Variants in CDRT4 observed in about 807,000 individuals in gnomAD.
The protein encoded by CDRT4 is CMT1A duplicated region transcript 4 protein.
For synonymous variants in CDRT4, 64 were observed against 69.6 expected, an observed-to-expected ratio of 0.92 and a Z score of 0.40; for missense variants, 167 against 193.1, an observed-to-expected ratio of 0.87 and a Z score of 0.80.
chr17:15,442,697 T>A (rs113743235), intron 2 of CDRT4, among the ~76,000 whole-genome samples: 1 of 152,148 alleles, frequency 6.6e-6, no homozygotes, highest in Non-Finnish European at 1.5e-5. Context: ...GTGTGGCTGA[T>A]AGGACAAGTC....
chr17:15,457,770 C>A (rs2150796625), intron 1 of CDRT4, among the ~76,000 whole-genome samples: 1 of 152,284 alleles, frequency 6.6e-6, no homozygotes, highest in African/African-American at 2.4e-5. Context: ...ACAGGGAGGG[C>A]CAGGAGGGGC....
chr17:15,457,735 A>G (rs1406356400), intron 1 of CDRT4, among the ~76,000 whole-genome samples: 1 of 152,134 alleles, frequency 6.6e-6, no homozygotes, highest in Non-Finnish European at 1.5e-5. Flanking sequence ...AGCCCCCCTG[A>G]GCTGCTTTGC....
intron 2 of CDRT4, among the ~76,000 whole-genome samples, chr17:15,451,580 C>T (rs1457014849): frequency 2.6e-5 from 4 of 152,192 alleles, no homozygotes; most frequent in Admixed American, 1.3e-4. Flanking sequence ...CCCCACATCA[C>T]CCACTGTGCC....
rs1342194029 is a variant in CDRT4, at chr17:15,467,568, T to C, written c.-238A>G. On this transcript the variant is annotated 5_prime_UTR_variant, in exon 1 of 4. Coordinates refer to ENST00000619038, the MANE Select transcript of CDRT4 (RefSeq NM_001204477.2). ...TCCCCTGTGCTCTCAATCCCACTTCTCTTTGGCTCTCTCTTTGCTGCAGCT... is the reference window on the plus strand; with the variant it reads ...TCCCCTGTGCTCTCAATCCCACTTCCCTTTGGCTCTCTCTTTGCTGCAGCT... 1 of 152,374 alleles carries C rather than the reference T, an allele frequency of 6.6e-6. No homozygotes were observed. The highest frequency in any genetic ancestry group is 1.5e-5 in the Non-Finnish European group (1 of 68,138). 9.4% of individuals were successfully genotyped at this position (152,374 alleles called of 1,614,324 possible). A position where few individuals can be genotyped will look rare whatever the true frequency, so the allele number is the denominator to read the frequency against.
At chr17:15,453,738 A>G (rs1979364581) in intron 1 of CDRT4, among the ~76,000 whole-genome samples, 1 of 152,194 alleles carries the variant, frequency 6.6e-6, no homozygotes, top group African/African-American at 2.4e-5. Flanking sequence ...GTTTTGGGGA[A>G]AGTGTAGCAT....
rs75800378 is a variant in CDRT4, at chr17:15,437,604, C to T, written c.*169G>A. 777 of 692,472 alleles carry T rather than the reference C, an allele frequency of 1.1e-3. 2 individuals are homozygous for T. The African/African-American group carries it at 0.012, about 11-fold the overall frequency. 42.9% of individuals were successfully genotyped at this position (692,472 alleles called of 1,614,324 possible). A position where few individuals can be genotyped will look rare whatever the true frequency, so the allele number is the denominator to read the frequency against. ...GACACACTCACCCACCCACCTACAG[C>T]TTGCATTCTGATCTGGTTTCTCTTA... On this transcript the variant is annotated 3_prime_UTR_variant, in exon 4 of 4. Transcript: ENST00000619038.
At position 15,462,105 on chromosome 17, in the gene CDRT4, G is replaced by A. The variant is rs948415357; in HGVS notation, c.-130+5355C>T. Among the ~76,000 whole-genome samples, 5 of 151,928 alleles carry A rather than the reference G, an allele frequency of 3.3e-5. No homozygotes were observed. The South Asian group carries it at 1.0e-3, about 32-fold the overall frequency. ...TGCAGAAATGGCTAATACAGAGGGTGCTCAAGGGTCAGGGGAGAGGTCTCT... is the reference window on the plus strand; with the variant it reads ...TGCAGAAATGGCTAATACAGAGGGTACTCAAGGGTCAGGGGAGAGGTCTCT... On this transcript the variant is annotated intron_variant, in intron 1 of 3. Transcript: ENST00000619038.
chr17:15,466,081 C>A (rs925185420), intron 1 of CDRT4, among the ~76,000 whole-genome samples: 1 of 152,050 alleles, frequency 6.6e-6, no homozygotes, highest in African/African-American at 2.4e-5. Context: ...GAGGGCAGAG[C>A]CTACCAGGAA....
At chr17:15,459,401 C>T (rs991605690) in intron 1 of CDRT4, among the ~76,000 whole-genome samples, 2 of 151,184 alleles carry the variant, frequency 1.3e-5, no homozygotes, top group South Asian at 2.1e-4. Context: ...GGAACGTATA[C>T]AGCCAGGCTT....
chr17:15,457,163 G>A (rs1979523967), intron 1 of CDRT4, among the ~76,000 whole-genome samples: 2 of 152,218 alleles, frequency 1.3e-5, no homozygotes, highest in South Asian at 4.1e-4. Context: ...CGAACCTCCT[G>A]CATGTCTCTG....
At chr17:15,459,439 CTTTTTTTTTTT>C (rs35161691) in intron 1 of CDRT4, among the ~76,000 whole-genome samples, 2 of 107,508 alleles carry the variant, frequency 1.9e-5, no homozygotes, top group African/African-American at 7.7e-5. Flanking sequence ...CTTTTTTTTT[CTTTTTTTTTTT>C]TTTTTTTTTT....
At chr17:15,460,878 CCCGCCTTCCCCA>C (rs1979715873) in intron 1 of CDRT4, among the ~76,000 whole-genome samples, 1 of 152,006 alleles carries the variant, frequency 6.6e-6, no homozygotes, top group Non-Finnish European at 1.5e-5. Context: ...CCCTCCCTCC[CCCGCCTTCCCCA>C]CCGCCAACCA....
rs921109374 is a variant in CDRT4 at position 15,436,902 on chromosome 17, G to GCCC, written c.*868_*870dup. ...CTGGCTTTGTGCCCTGATAGGCTCA[G>GCCC]CCCCCAGGGGGAGCTAGAAGGAATC... On this transcript the variant is annotated 3_prime_UTR_variant, in exon 4 of 4. Coordinates refer to ENST00000619038, the MANE Select transcript of CDRT4 (RefSeq NM_001204477.2). 21 of 152,284 alleles carry GCCC rather than the reference G, an allele frequency of 1.4e-4. No homozygotes were observed. The highest frequency in any genetic ancestry group is 4.8e-4 in the African/African-American group (20 of 41,552). The allele number at this position is 152,284 out of a possible 1,614,324, so 9.4% of individuals were successfully genotyped here.
In CDRT4 at chr17:15,437,301, C is replaced by T. The variant is rs1046324262; in HGVS notation, c.*472G>A. 1 of 167,940 alleles carries T rather than the reference C, an allele frequency of 6.0e-6. No individual in the cohort carries two copies. The highest frequency in any genetic ancestry group is 5.6e-5 in the Admixed American group (1 of 17,934). The allele number at this position is 167,940 out of a possible 1,614,324, so 10.4% of individuals were successfully genotyped here. ...GCCCCATGTCCCTTCTCCAAGCAACCACCTTTCAATGAGTCCAGCATCTTC... is the reference window on the plus strand; with the variant it reads ...GCCCCATGTCCCTTCTCCAAGCAACTACCTTTCAATGAGTCCAGCATCTTC... On this transcript the variant is annotated 3_prime_UTR_variant, in exon 4 of 4. Coordinates refer to ENST00000619038, the MANE Select transcript of CDRT4 (RefSeq NM_001204477.2).
In CDRT4 at chr17:15,440,240, T is replaced by A; in HGVS notation, c.-2A>T. On this transcript the variant is annotated 5_prime_UTR_variant, in exon 3 of 4. The change creates a new upstream start codon in the 5' untranslated region. Transcript: ENST00000619038. The stretch of plus-strand genomic sequence containing the variant: ...TTTCTTCATCCTTCTTGCATCCATC[T>A]TCTTTTTAATATTTACTGATTTCTT... The A allele has an allele frequency of 6.2e-7, 1 of 1,613,746 alleles. No individual in the cohort carries two copies.
In CDRT4 at chr17:15,437,898, G is replaced by C; in HGVS notation, c.334C>G (p.Pro112Ala). 2 of 1,614,170 alleles carry C rather than the reference G, an allele frequency of 1.2e-6. No individual in the cohort carries two copies. Among genetic ancestry groups the C allele is most frequent in the Non-Finnish European group, 1.7e-6 (2 of 1,180,024 alleles). ...WGAYSVLAMA[P>A]TMIPEPTHLH... ...TGTGTGGGTTCTGGGATCATGGTAGGAGCCATGGCCAATACCGAATAAGCG... is the reference window on the plus strand; with the variant it reads ...TGTGTGGGTTCTGGGATCATGGTAGCAGCCATGGCCAATACCGAATAAGCG... Residue 112 changes from proline (P) to alanine (A), a missense_variant, in exon 4 of 4, where the codon CCT becomes GCT. Physicochemically the swap from Pro to Ala is conservative, Grantham distance 27 (BLOSUM62 -1). Coordinates refer to ENST00000619038, the MANE Select transcript of CDRT4 (RefSeq NM_001204477.2).
At chr17:15,449,285 C>T (rs534676978) in intron 2 of CDRT4, among the ~76,000 whole-genome samples, 103 of 152,326 alleles carry the variant, frequency 6.8e-4, no homozygotes, top group Middle Eastern at 3.4e-3. Context: ...TAACAAAACC[C>T]ATATGCATTA....
chr17:15,441,889 A>C (rs753112262), intron 2 of CDRT4, among the ~76,000 whole-genome samples: 44 of 152,202 alleles, frequency 2.9e-4, no homozygotes, highest in Admixed American at 2.0e-4. Context: ...AATAATGCTC[A>C]AATAGTCATC....
chr17:15,459,359 C>G lies in CDRT4; in HGVS notation c.-129-6274G>C, dbSNP rs530821406. ...GCACTGTTGTCTTCAGGCCCCTCCC[C>G]ACACTGTTCTCTCACTCTTGATAGG... On this transcript the variant is annotated intron_variant, in intron 1 of 3. Coordinates refer to ENST00000619038, the MANE Select transcript of CDRT4 (RefSeq NM_001204477.2). Among the ~76,000 whole-genome samples, 77 of 152,206 alleles carry G rather than the reference C, an allele frequency of 5.1e-4. 1 individual carries two copies. The highest frequency in any genetic ancestry group is 3.6e-3 in the Admixed American group (55 of 15,282).
Sources: gnomAD v4.1 joint callset for allele counts (sites outside exome capture counted in the v4.1 genomes callset) on GRCh38, gnomAD v4.1.1 for gene constraint, MANE v1.5 for transcripts, NCBI Gene and HGNC (gene_info 2026-07-23, HGNC 2026-07-21) for gene names.